The following PNLIPRP1 variants were observed in gnomAD, a reference collection of about 807,000 sequenced individuals.
The protein encoded by PNLIPRP1 is pancreatic lipase related protein 1, also known as inactive pancreatic lipase-related protein 1.
Under a neutral mutation model 54.6 loss-of-function variants are expected in PNLIPRP1, and 57 were observed. That is an observed-to-expected ratio of 1.04 (90% CI 0.84 to 1.30). PNLIPRP1 has a LOEUF of 1.30. PNLIPRP1 is among the 50% of genes most tolerant of loss of function. The probability of loss-of-function intolerance (pLI) is 0.00; values close to 1 mark genes in which losing one functional copy is unlikely to be tolerated. For missense variants in PNLIPRP1, 567 were observed against 568.5 expected (o/e 1.00, Z 0.03); for synonymous variants, 232 against 208.8 (o/e 1.11, Z -0.96).
intron 12 of PNLIPRP1, among the ~76,000 whole-genome samples, chr10:116,607,465 G>C (rs573063884): frequency 1.3e-5 from 2 of 152,242 alleles, no homozygotes; most frequent in South Asian, 4.2e-4. Flanking sequence ...AGAGGGCCGC[G>C]GGGAGGCTGT....
chr10:116,592,637 A>C, intron 4 of PNLIPRP1, 96 bp downstream of exon 4: 1 of 1,432,752 alleles, frequency 7.0e-7, no homozygotes, highest in Admixed American at 1.7e-5. Flanking sequence ...TTTACATATT[A>C]GGTAACTTTA....
chr10:116,591,292 A>G (rs1847631449), intron 2 of PNLIPRP1, 114 bp downstream of exon 2: 4 of 764,448 alleles, frequency 5.2e-6, no homozygotes, highest in South Asian at 4.8e-5. Context: ...TACCAGAGAG[A>G]AGATGTGGGC....
At chr10:116,597,428 G>T (rs1473805519) in intron 6 of PNLIPRP1, among the ~76,000 whole-genome samples, 1 of 152,134 alleles carries the variant, frequency 6.6e-6, no homozygotes, top group Non-Finnish European at 1.5e-5. Flanking sequence ...GTAGGAATTT[G>T]GAGCCAGGCA....
chr10:116,597,061 C>T (rs1254374194), intron 6 of PNLIPRP1, among the ~76,000 whole-genome samples: 3 of 152,226 alleles, frequency 2.0e-5, no homozygotes, highest in Middle Eastern at 3.4e-3. Flanking sequence ...CTGGTTTTGC[C>T]GATGTTTGGC....
intron 4 of PNLIPRP1, chr10:116,592,836 G>A: frequency 4.9e-6 from 2 of 405,176 alleles, no homozygotes; most frequent in Non-Finnish European, 9.4e-6. Context: ...ATAAGCGAGG[G>A]ACTATAGGGG....
intron 8 of PNLIPRP1, among the ~76,000 whole-genome samples, chr10:116,599,354 C>A (rs1221134966): frequency 6.6e-6 from 1 of 151,566 alleles, no homozygotes; most frequent in Admixed American, 6.6e-5. Flanking sequence ...TGAGGGTTTG[C>A]GTGCATAGGG....
chr10:116,596,355 C>A (rs782171266), intron 6 of PNLIPRP1, 33 bp downstream of exon 6: 14 of 1,235,756 alleles, frequency 1.1e-5, no homozygotes, highest in Non-Finnish European at 1.7e-5. Context: ...CCAGTTTTGT[C>A]CCCAGAAACC....
chr10:116,596,232 C>T lies in PNLIPRP1; in HGVS notation c.484C>T (p.Pro162Ser), dbSNP rs200174051. The T allele has an allele frequency of 1.6e-5, 26 of 1,612,362 alleles. No homozygotes were observed. Among genetic ancestry groups the T allele is most frequent in the African/African-American group, 2.7e-5 (2 of 74,884 alleles). ...TCTCCAGACAGAGTATAGCTACCCC[C>T]CTTCCAAAGTTCACCTCATTGGCCA... Reference protein sequence around the residue: ...DILLTEYSYPPSKVHLIGHSL... With the variant: ...DILLTEYSYPSSKVHLIGHSL... Residue 162 changes from proline to serine, a missense_variant, in exon 6 of 13, where the codon CCT becomes TCT. Coordinates refer to ENST00000358834, the MANE Select transcript of PNLIPRP1 (RefSeq NM_006229.4).
intron 12 of PNLIPRP1, among the ~76,000 whole-genome samples, chr10:116,607,724 C>G (rs1847959193): frequency 6.6e-6 from 1 of 152,156 alleles, no homozygotes; most frequent in Non-Finnish European, 1.5e-5. Flanking sequence ...GGTGGTGAGG[C>G]CTGAGAGAAG....
intron 2 of PNLIPRP1, among the ~76,000 whole-genome samples, 195 bp downstream of exon 2, chr10:116,591,373 C>T (rs1320829722): frequency 1.3e-5 from 2 of 152,194 alleles, no homozygotes; most frequent in Non-Finnish European, 2.9e-5. Flanking sequence ...CCCCAGTGGC[C>T]TACCTTCATG....
intron 4 of PNLIPRP1, 24 bp downstream of exon 4, chr10:116,592,565 T>C (rs1427209022): frequency 6.2e-7 from 1 of 1,614,012 alleles, no homozygotes; most frequent in Non-Finnish European, 8.5e-7. Context: ...CTGATCCCTG[T>C]GGCCAGCTGA....
intron 6 of PNLIPRP1, among the ~76,000 whole-genome samples, chr10:116,597,269 G>A (rs1847753244): frequency 6.6e-6 from 1 of 152,162 alleles, no homozygotes; most frequent in Non-Finnish European, 1.5e-5. Context: ...CAGGCATTGT[G>A]CTAAGTGCTA....
rs1554863255 is a variant in PNLIPRP1 at position 116,591,944 on chromosome 10, A to G, written c.204+19A>G. 6.2e-7 allele frequency: 1 copy of G among 1,613,808 alleles called. No homozygotes were observed. Among genetic ancestry groups the G allele is most frequent in the Non-Finnish European group, 8.5e-7 (1 of 1,179,856 alleles). ...CTTTCAAGTGAGACCTCTGTCATTT[A>G]AATGTCACTGTAACTGGCACGGGGC... On this transcript the variant is annotated intron_variant, in intron 3 of 12. Transcript: ENST00000358834.
At chr10:116,600,938 C>A (rs1847825471) in intron 9 of PNLIPRP1, 134 bp from the exon 10 acceptor site, 2 of 719,540 alleles carry the variant, frequency 2.8e-6, no homozygotes, top group Non-Finnish European at 4.5e-6. Context: ...ATTTAGAGAT[C>A]ATCTGCTCCA....
intron 5 of PNLIPRP1, 39 bp from the exon 6 acceptor site, chr10:116,596,175 A>G: frequency 7.2e-7 from 1 of 1,392,270 alleles, no homozygotes; most frequent in Non-Finnish European, 1.0e-6. Context: ...GAAAAACCAC[A>G]GCAAAAAATG....
intron 9 of PNLIPRP1, 80 bp downstream of exon 9, chr10:116,600,245 G>T: frequency 1.1e-6 from 1 of 883,324 alleles, no homozygotes; most frequent in Non-Finnish European, 1.9e-6. Flanking sequence ...GATTTGCAAT[G>T]CCTTCTCACT....
chr10:116,606,012 T>C (rs569446486), intron 12 of PNLIPRP1, among the ~76,000 whole-genome samples: 19 of 152,334 alleles, frequency 1.2e-4, no homozygotes, highest in African/African-American at 4.6e-4. Flanking sequence ...TCCTGACCTG[T>C]GGTCTCCCTG....
At chr10:116,595,020 G>T in intron 5 of PNLIPRP1, 156 bp downstream of exon 5, 1 of 807,842 alleles carries the variant, frequency 1.2e-6, no homozygotes, top group Non-Finnish European at 1.9e-6. Flanking sequence ...ATAATGACAC[G>T]CCAGTGGAAG....
chr10:116,608,957 AAAACCAAACCAAACC>A lies in PNLIPRP1; in HGVS notation c.1341-82_1341-68del, dbSNP rs111591175. 1.2e-4 allele frequency: 120 copies of A among 965,992 alleles called. No homozygotes were observed. In the African/African-American group the frequency reaches 1.7e-3, roughly 14 times the overall value. The allele number at this position is 965,992 out of a possible 1,614,324, so 59.8% of individuals were successfully genotyped here. ...GTGACCTGGGCTTAACCCCTTAAGA[AAAACCAAACCAAACC>A]AAACCAAACCAAAACAAAACAAAAC... On this transcript the variant is annotated intron_variant, in intron 12 of 12. Coordinates refer to ENST00000358834, the MANE Select transcript of PNLIPRP1 (RefSeq NM_006229.4).
Sources: allele counts gnomAD v4.1 joint callset (sites outside exome capture counted in the v4.1 genomes callset), GRCh38; gene constraint gnomAD v4.1.1; transcripts MANE v1.5; gene names NCBI Gene and HGNC (gene_info 2026-07-23, HGNC 2026-07-21).